The following PSMD14 variants were observed in gnomAD, a reference collection of about 807,000 sequenced individuals.
PSMD14 encodes proteasome 26S subunit, non-ATPase 14, also known as ubiquitin C-terminal hydrolase PSMD14.
PSMD14 carries 7 observed loss-of-function variants against 41.2 expected under a neutral mutation model. The observed-to-expected ratio is 0.17, with a 90% CI of 0.10 to 0.32. PSMD14 has a LOEUF of 0.32. Ranked by LOEUF, PSMD14 falls within the 10% of genes least tolerant of loss-of-function variation. The pLI, the probability that PSMD14 is intolerant of heterozygous loss-of-function variation, is 1.00. For synonymous variants in PSMD14, 114 were observed against 122.3 expected (o/e 0.93, Z 0.45); for missense variants, 139 against 375.6 (o/e 0.37, Z 5.21).
At position 161,371,337 on chromosome 2, in the gene PSMD14, A is replaced by G. The variant is rs746594353; in HGVS notation, c.462+15A>G. 4 of 1,598,758 alleles carry G rather than the reference A, an allele frequency of 2.5e-6. No individual in the cohort carries two copies. The South Asian group carries it at 3.4e-5, about 14-fold the overall frequency. On this transcript the variant is annotated intron_variant, in intron 7 of 11. Transcript: ENST00000409682. Reference sequence around the variant, plus strand: ...TAAAAGGAAAGGTAGAGTAGATTCTATCTTTATTGCCATCTACTGCCACAT... The same window carrying G: ...TAAAAGGAAAGGTAGAGTAGATTCTGTCTTTATTGCCATCTACTGCCACAT...
At chr2:161,321,220 T>C (rs933787588) in intron 3 of PSMD14, among the ~76,000 whole-genome samples, 4 of 152,148 alleles carry the variant, frequency 2.6e-5, no homozygotes, top group Non-Finnish European at 4.4e-5. Flanking sequence ...AGCAGGTCAC[T>C]TGCTGGTAAG....
At chr2:161,389,811 C>T (rs1346493510) in intron 8 of PSMD14, among the ~76,000 whole-genome samples, 1 of 149,954 alleles carries the variant, frequency 6.7e-6, no homozygotes, top group Non-Finnish European at 1.5e-5. Flanking sequence ...GACCTAGGTT[C>T]AGATCCCCAT....
chr2:161,355,062 G>A (rs969942106), intron 3 of PSMD14, among the ~76,000 whole-genome samples: 3 of 152,098 alleles, frequency 2.0e-5, no homozygotes, highest in African/African-American at 7.2e-5. Flanking sequence ...GGTAGGAAAG[G>A]GATATAGAGT....
chr2:161,392,540 G>A (rs1683727080), intron 9 of PSMD14, among the ~76,000 whole-genome samples: 1 of 151,980 alleles, frequency 6.6e-6, no homozygotes, highest in African/African-American at 2.4e-5. Flanking sequence ...GATTTTCCTT[G>A]AAATAAGAAT....
chr2:161,410,586 T>G (rs748679496), intron 11 of PSMD14, among the ~76,000 whole-genome samples: 12 of 152,086 alleles, frequency 7.9e-5, no homozygotes, highest in Admixed American at 3.3e-4. Flanking sequence ...ATTTTAAGCC[T>G]CCTTTTTAAC....
At chr2:161,356,918 A>G (rs1470630457) in intron 3 of PSMD14, among the ~76,000 whole-genome samples, 1 of 151,930 alleles carries the variant, frequency 6.6e-6, no homozygotes, top group African/African-American at 2.4e-5. Context: ...ATCAGCAGGT[A>G]TTTTAATAAC....
intron 2 of PSMD14, 134 bp from the exon 3 acceptor site, chr2:161,318,688 G>T: frequency 1.5e-6 from 1 of 670,094 alleles, no homozygotes. Flanking sequence ...TTAATTAACA[G>T]GAAGTCTGAT....
chr2:161,368,499 A>G (rs547842487), intron 5 of PSMD14, among the ~76,000 whole-genome samples: 2 of 152,076 alleles, frequency 1.3e-5, no homozygotes, highest in African/African-American at 4.8e-5. Flanking sequence ...CTTTCTAGAG[A>G]TGTTTGTTTT....
chr2:161,359,229 C>G (rs1305255357), intron 3 of PSMD14, among the ~76,000 whole-genome samples: 2 of 152,180 alleles, frequency 1.3e-5, no homozygotes, highest in African/African-American at 2.4e-5. Context: ...GCTTTGGCCT[C>G]CCAAAGTGCT....
intron 7 of PSMD14, chr2:161,382,358 A>G (rs965862925): frequency 1.3e-5 from 2 of 151,998 alleles, no homozygotes; most frequent in Middle Eastern, 3.4e-3. Flanking sequence ...AATAGGCAGC[A>G]TTATATGAAC....
chr2:161,345,656 T>G (rs1409872537), intron 3 of PSMD14, among the ~76,000 whole-genome samples: 4 of 152,202 alleles, frequency 2.6e-5, no homozygotes, highest in Admixed American at 6.5e-5. Flanking sequence ...TCATGTTTCT[T>G]GTGCTTTGGT....
intron 3 of PSMD14, chr2:161,341,109 T>C: frequency 1.3e-5 from 18 of 1,404,774 alleles, no homozygotes; most frequent in Non-Finnish European, 1.7e-5. Flanking sequence ...CTCTCCAGGC[T>C]CCTCCGGCCC....
chr2:161,370,192 T>A lies in PSMD14; in HGVS notation c.311+15T>A. On this transcript the variant is annotated intron_variant, in intron 6 of 11. Coordinates refer to ENST00000409682, the MANE Select transcript of PSMD14 (RefSeq NM_005805.6). The stretch of plus-strand genomic sequence containing the variant: ...CAGACAGGAAGGTAAGCATTTTAAA[T>A]GATCAGTTAAAGAAATAATGGGAAA... 1 of 1,521,210 alleles carries A rather than the reference T, an allele frequency of 6.6e-7. No individual in the cohort carries two copies. The allele number at this position is 1,521,210 out of a possible 1,614,324, so 94.2% of individuals were successfully genotyped here. A position where few individuals can be genotyped will look rare whatever the true frequency, so the allele number is the denominator to read the frequency against.
chr2:161,391,155 C>T lies in PSMD14; in HGVS notation c.622C>T (p.Arg208Trp), dbSNP rs771009267. The change falls in exon 9 of 12, where the codon CGG (arginine) becomes TGG (tryptophan). Residue 208 changes from arginine (R) to tryptophan (W), a missense_variant. Coordinates refer to ENST00000409682, the MANE Select transcript of PSMD14 (RefSeq NM_005805.6). The part of the protein sequence containing the change: ...RHYYSITINY[R>W]KNELEQKMLL... ...TTATTACTCCATTACTATTAACTAT[C>T]GGAAAAATGAACTGGAACAGAAGGT... 2 of 1,532,774 alleles carry T rather than the reference C, an allele frequency of 1.3e-6. No homozygotes were observed. The highest frequency in any genetic ancestry group is 1.8e-6 in the Non-Finnish European group (2 of 1,137,466). The allele number at this position is 1,532,774 out of a possible 1,614,324, so 94.9% of individuals were successfully genotyped here. A position where few individuals can be genotyped will look rare whatever the true frequency, so the allele number is the denominator to read the frequency against.
At chr2:161,348,935 C>T (rs927439918) in intron 3 of PSMD14, among the ~76,000 whole-genome samples, 5 of 151,972 alleles carry the variant, frequency 3.3e-5, no homozygotes, top group African/African-American at 1.2e-4. Flanking sequence ...ACATTTGTTC[C>T]TACTCCAGGT....
At chr2:161,344,392 A>G (rs1220324518) in intron 3 of PSMD14, among the ~76,000 whole-genome samples, 2 of 152,206 alleles carry the variant, frequency 1.3e-5, no homozygotes, top group South Asian at 2.1e-4. Flanking sequence ...GTATCCTCGC[A>G]TAGCAGAAAG....
intron 3 of PSMD14, among the ~76,000 whole-genome samples, chr2:161,332,723 T>C (rs1224493909): frequency 1.3e-5 from 2 of 152,246 alleles, no homozygotes; most frequent in African/African-American, 4.8e-5. Context: ...CATTTATGAA[T>C]TCTGTGGCAT....
chr2:161,311,199 C>T (rs894412074), intron 1 of PSMD14, among the ~76,000 whole-genome samples: 20 of 152,040 alleles, frequency 1.3e-4, no homozygotes, highest in African/African-American at 4.8e-4. Context: ...ATCCCAGCTA[C>T]TGGACAGGCT....
At chr2:161,328,039 A>T (rs1005317866) in intron 3 of PSMD14, among the ~76,000 whole-genome samples, 1 of 150,938 alleles carries the variant, frequency 6.6e-6, no homozygotes, top group Non-Finnish European at 1.5e-5. Context: ...GGCAAATAAC[A>T]GACAATAAAT....
Sources: gnomAD v4.1 joint callset for allele counts (sites outside exome capture counted in the v4.1 genomes callset) on GRCh38, gnomAD v4.1.1 for gene constraint, MANE v1.5 for transcripts, NCBI Gene and HGNC (gene_info 2026-07-23, HGNC 2026-07-21) for gene names.